MCC: variants seen among roughly 807,000 people sequenced by gnomAD.
MCC encodes colorectal mutant cancer protein.
A neutral mutation model predicts 116.2 loss-of-function variants in MCC; 90 were observed. The observed-to-expected ratio is 0.77, with a 90% CI of 0.65 to 0.92. The LOEUF is 0.92. Among genes scored for constraint, MCC ranks in the 40% least tolerant of loss-of-function variants. The pLI, the probability that MCC is intolerant of heterozygous loss-of-function variation, is 0.00. For missense variants in MCC, 1,516 were observed against 1,312.2 expected (o/e 1.16, Z -2.40); for synonymous variants, 578 against 510.5 (o/e 1.13, Z -1.78).
At chr5:113,229,648 T>C (rs1202586822) in intron 3 of MCC, among the ~76,000 whole-genome samples, 1 of 152,226 alleles carries the variant, frequency 6.6e-6, no homozygotes, top group African/African-American at 2.4e-5. Flanking sequence ...AACAACATTT[T>C]AGTCAAAGAC....
chr5:113,386,561 C>G (rs1242129334), intron 1 of MCC, among the ~76,000 whole-genome samples: 1 of 152,006 alleles, frequency 6.6e-6, no homozygotes, highest in African/African-American at 2.4e-5. Context: ...TATACTTGCT[C>G]TTTATGGTGT....
intron 3 of MCC, among the ~76,000 whole-genome samples, chr5:113,338,494 T>C (rs1358785872): frequency 1.3e-5 from 2 of 152,104 alleles, no homozygotes; most frequent in African/African-American, 4.8e-5. Flanking sequence ...CATACAGAGA[T>C]AGGAAACAGC....
At chr5:113,158,959 C>A (rs1486424523) in intron 3 of MCC, among the ~76,000 whole-genome samples, 8 of 151,786 alleles carry the variant, frequency 5.3e-5, no homozygotes, top group African/African-American at 1.9e-4. Flanking sequence ...GGATGTGGGG[C>A]GGGGGTGAGG....
chr5:113,058,224 T>C (rs777756145), intron 14 of MCC, among the ~76,000 whole-genome samples: 78 of 152,258 alleles, frequency 5.1e-4, no homozygotes, highest in Non-Finnish European at 7.8e-4. Context: ...AATCACAAAA[T>C]TCAAAGAGTG....
intron 7 of MCC, among the ~76,000 whole-genome samples, chr5:113,102,486 C>T (rs1196777668): frequency 6.6e-6 from 1 of 152,174 alleles, no homozygotes; most frequent in Non-Finnish European, 1.5e-5. Context: ...GAGGTTCAGT[C>T]TCAAGATGTG....
rs11283943 is a variant in MCC at position 113,071,088 on chromosome 5, G to GCCTCGTGCTGTCTT, written c.1925+5_1925+6insAAGACAGCACGAGG. 6 of 1,610,550 alleles carry GCCTCGTGCTGTCTT rather than the reference G, an allele frequency of 3.7e-6. No individual in the cohort carries two copies. The highest frequency in any genetic ancestry group is 2.2e-5 in the South Asian group (2 of 90,394). On this transcript the variant is annotated splice_donor_region_variant and intron_variant, in intron 12 of 18. Coordinates refer to ENST00000408903, the MANE Select transcript of MCC (RefSeq NM_001085377.2). ...AGTAGCTCCAAACATCCCAGTGTGT[G>GCCTCGTGCTGTCTT]CCTACCTGTACTGCAAGGCCAGCCT...
chr5:113,068,254 TG>T, intron 12 of MCC, 71 bp from the exon 13 acceptor site: 1 of 1,197,014 alleles, frequency 8.4e-7, no homozygotes, highest in Non-Finnish European at 1.2e-6. Flanking sequence ...CGCCGGTTTC[TG>T]TGCAGGAGGC....
chr5:113,151,573 C>A (rs1450117322), intron 3 of MCC, 151 bp from the exon 4 acceptor site: 1 of 592,778 alleles, frequency 1.7e-6, no homozygotes, highest in Non-Finnish European at 3.0e-6. Flanking sequence ...GTTTTGGGGA[C>A]AACAGGCATA....
At chr5:113,158,885 G>A (rs769856317) in intron 3 of MCC, among the ~76,000 whole-genome samples, 11 of 152,052 alleles carry the variant, frequency 7.2e-5, no homozygotes, top group Admixed American at 3.3e-4. Context: ...AACATACCAC[G>A]GCTCTCCCTT....
chr5:113,131,598 G>C (rs1758430867), intron 5 of MCC, among the ~76,000 whole-genome samples: 2 of 152,066 alleles, frequency 1.3e-5, no homozygotes, highest in South Asian at 2.1e-4. Flanking sequence ...TTGCTGAAAG[G>C]GCTGCAGAAA....
At chr5:113,373,202 TA>T (rs1659435088) in intron 2 of MCC, among the ~76,000 whole-genome samples, 1 of 151,044 alleles carries the variant, frequency 6.6e-6, no homozygotes, top group African/African-American at 2.4e-5. Context: ...ATAAAATAAA[TA>T]AAAGATGTTT....
intron 3 of MCC, among the ~76,000 whole-genome samples, chr5:113,301,326 G>T (rs1235711331): frequency 6.6e-6 from 1 of 152,116 alleles, no homozygotes; most frequent in Non-Finnish European, 1.5e-5. Context: ...TTAGCCAGGT[G>T]TGGTGGTGCA....
At chr5:113,258,041 T>C (rs1487982185) in intron 3 of MCC, among the ~76,000 whole-genome samples, 2 of 151,938 alleles carry the variant, frequency 1.3e-5, no homozygotes, top group African/African-American at 2.4e-5. Context: ...GTGAGCAGAA[T>C]TGAGAGAAGT....
At chr5:113,299,287 C>G (rs996481098) in intron 3 of MCC, among the ~76,000 whole-genome samples, 1 of 83,012 alleles carries the variant, frequency 1.2e-5, no homozygotes, top group East Asian at 4.7e-4. Flanking sequence ...AGTGAGACTC[C>G]GTCTCAAAAA....
At chr5:113,385,354 G>C in intron 1 of MCC, 142 bp from the exon 2 acceptor site, 1 of 907,684 alleles carries the variant, frequency 1.1e-6, no homozygotes, top group East Asian at 2.6e-5. Flanking sequence ...TTCTAGAAAA[G>C]TGATAAGTGT....
intron 1 of MCC, among the ~76,000 whole-genome samples, chr5:113,467,924 G>A (rs1771962453): frequency 2.0e-5 from 3 of 152,086 alleles, no homozygotes; most frequent in Admixed American, 1.3e-4. Context: ...GGATTCCTAG[G>A]TATTTTATTC....
chr5:113,397,492 G>A (rs1428346191), intron 1 of MCC, among the ~76,000 whole-genome samples: 1 of 151,958 alleles, frequency 6.6e-6, no homozygotes, highest in Non-Finnish European at 1.5e-5. Context: ...TTGAAAGAAA[G>A]AATAAACATT....
intron 3 of MCC, among the ~76,000 whole-genome samples, chr5:113,273,389 A>T (rs952561153): frequency 3.9e-5 from 6 of 152,210 alleles, no homozygotes; most frequent in African/African-American, 7.2e-5. Context: ...AGTTGATATA[A>T]AGCTGGAAAT....
chr5:113,134,534 G>T (rs971271170), intron 5 of MCC, among the ~76,000 whole-genome samples: 1 of 124,294 alleles, frequency 8.0e-6, no homozygotes, highest in Non-Finnish European at 1.7e-5. Context: ...TTTTGCTCAG[G>T]ATTGGCTTTG....
Sources: gnomAD v4.1 joint callset for allele counts (sites outside exome capture counted in the v4.1 genomes callset) on GRCh38, gnomAD v4.1.1 for gene constraint, MANE v1.5 for transcripts, NCBI Gene and HGNC (gene_info 2026-07-23, HGNC 2026-07-21) for gene names.